RASD2: variants seen among roughly 807,000 people sequenced by gnomAD.
RASD2 encodes the protein RASD family member 2, also known as GTP-binding protein Rhes.
In RASD2, 7 loss-of-function variants were observed where a neutral mutation model predicts 15.8. The observed-to-expected ratio is 0.44, with a 90% confidence interval of 0.25 to 0.83. RASD2 has a LOEUF of 0.83. RASD2 is among the 40% of genes least tolerant of loss of function. The pLI is 0.20. For missense variants in RASD2, 274 were observed against 382.8 expected (o/e 0.72, Z 2.37); for synonymous variants, 155 against 153.6 (o/e 1.01, Z -0.07).
chr22:35,540,251 G>A (rs1934306701), upstream of RASD2, among the ~76,000 whole-genome samples: 1 of 152,120 alleles, frequency 6.6e-6, no homozygotes, highest in Admixed American at 6.5e-5. Context: ...GGCCAGGCCG[G>A]GCGTGCGTGT....
rs550129972 is a variant in RASD2 at position 35,542,951 on chromosome 22, G to T, written c.-10+1451G>T. 3.5e-4 allele frequency among the ~76,000 whole-genome samples: 54 copies of T among 152,298 alleles called. 2 individuals are homozygous for T. The South Asian group carries it at 5.0e-3, about 14-fold the overall frequency. On this transcript the variant is annotated intron_variant, in intron 1 of 2. Coordinates refer to ENST00000216127, the MANE Select transcript of RASD2 (RefSeq NM_014310.4). Reference sequence around the variant, plus strand: ...TAGTATGTCTCGGCGTCATCCCCCCGCCTGATGCCAGCTGAGGCTTCACTG... The same window carrying T: ...TAGTATGTCTCGGCGTCATCCCCCCTCCTGATGCCAGCTGAGGCTTCACTG...
At chr22:35,547,226 G>T (rs933325812) in intron 2 of RASD2, 146 bp downstream of exon 2, 3 of 1,134,508 alleles carry the variant, frequency 2.6e-6, no homozygotes, top group South Asian at 3.2e-5. Flanking sequence ...GAGAGGTTTT[G>T]CCATGTGCTG....
In RASD2 at chr22:35,551,721, G is replaced by A. The variant is rs778960940; in HGVS notation, c.490G>A (p.Glu164Lys). 10 of 1,613,758 alleles carry A rather than the reference G, an allele frequency of 6.2e-6. No homozygotes were observed. The highest frequency in any genetic ancestry group is 1.6e-4 in the Middle Eastern group (1 of 6,084). ...GGCCGAGCTGCTGGTGTCGGGCGAC[G>A]AGAACTGCGCCTACTTCGAGGTGTC... Reference protein sequence around the residue: ...TEAELLVSGDENCAYFEVSAK... With the variant: ...TEAELLVSGDKNCAYFEVSAK... The change falls in exon 3 of 3, where the codon GAG becomes AAG. Residue 164 changes from glutamate (E) to lysine (K), a missense_variant. Transcript: ENST00000216127. The surrounding 1 kb of genome is among the most constrained non-coding windows in gnomAD (Gnocchi z 4.9).
upstream of RASD2, among the ~76,000 whole-genome samples, chr22:35,540,020 G>A (rs925890106): frequency 6.6e-6 from 1 of 152,236 alleles, no homozygotes; most frequent in Non-Finnish European, 1.5e-5. Flanking sequence ...TGGGCGACAC[G>A]TGCATGGCCC....
In RASD2 at chr22:35,552,366, A is replaced by C; in HGVS notation, c.*334A>C. ...CCAGAGGGGTGAGGATTGCTGCGTC[A>C]TATGGAGCCTCCTGGGACAAGCCTC... On this transcript the variant is annotated 3_prime_UTR_variant, in exon 3 of 3. Transcript: ENST00000216127. The C allele has an allele frequency of 3.0e-6, 1 of 334,936 alleles. No homozygotes were observed. The highest frequency in any genetic ancestry group is 5.5e-6 in the Non-Finnish European group (1 of 181,752). 20.7% of individuals were successfully genotyped at this position (334,936 alleles called of 1,614,324 possible).
Position 35,553,730 on chromosome 22 carries a change from AGTACACACAGAT to A in RASD2, c.*1718_*1729del, listed in dbSNP as rs554352942. The A allele has an allele frequency of 1.6e-3, 240 of 152,462 alleles. 2 individuals carry two copies. The highest frequency in any genetic ancestry group is 2.8e-3 in the Non-Finnish European group (194 of 68,074). 9.4% of individuals were successfully genotyped at this position (152,462 alleles called of 1,614,324 possible). Reference sequence around the variant, plus strand: ...TGTACACCATGCCCATGTATATACAAGTACACACAGATGTACACACAGATGTACACATGCTCC... The same window carrying A: ...TGTACACCATGCCCATGTATATACAAGTACACACAGATGTACACATGCTCC... On this transcript the variant is annotated 3_prime_UTR_variant, in exon 3 of 3. Transcript: ENST00000216127.
chr22:35,537,208 G>A (rs1380452980), upstream of RASD2, among the ~76,000 whole-genome samples: 3 of 152,220 alleles, frequency 2.0e-5, no homozygotes, highest in South Asian at 6.2e-4. Flanking sequence ...GGAGGACTAA[G>A]TGAAACTCTG....
chr22:35,544,046 C>A (rs1934428514), intron 1 of RASD2, among the ~76,000 whole-genome samples: 1 of 152,152 alleles, frequency 6.6e-6, no homozygotes, highest in Admixed American at 6.5e-5. Flanking sequence ...GACTCCCTGC[C>A]TCCTCTCTCT....
At chr22:35,547,171 T>C (rs1273754909) in intron 2 of RASD2, 91 bp downstream of exon 2, 3 of 1,404,434 alleles carry the variant, frequency 2.1e-6, no homozygotes, top group Admixed American at 1.9e-5. Context: ...TAGACTTGCA[T>C]AGCCATCGTC....
chr22:35,544,098 G>A (rs960282083), intron 1 of RASD2, among the ~76,000 whole-genome samples: 1 of 152,190 alleles, frequency 6.6e-6, no homozygotes, highest in African/African-American at 2.4e-5. Flanking sequence ...CAACTCGTCT[G>A]TACCAAGCTC....
At chr22:35,533,613 A>G in the RASD2 span, among the ~76,000 whole-genome samples, 4 of 126,144 alleles carry the variant, frequency 3.2e-5, no homozygotes, top group African/African-American at 7.9e-5. Flanking sequence ...AATGATGATG[A>G]TGGTGATGAT....
intron 1 of RASD2, among the ~76,000 whole-genome samples, chr22:35,542,959 C>T (rs1194000096): frequency 6.6e-6 from 1 of 152,184 alleles, no homozygotes; most frequent in Non-Finnish European, 1.5e-5. Context: ...CCGCCTGATG[C>T]CAGCTGAGGC....
chr22:35,533,954 G>A, the RASD2 span, among the ~76,000 whole-genome samples: 4 of 152,146 alleles, frequency 2.6e-5, no homozygotes, highest in African/African-American at 7.2e-5. Flanking sequence ...TGATGATGAC[G>A]GTGATGATTA....
intron 2 of RASD2, among the ~76,000 whole-genome samples, chr22:35,548,663 C>T (rs1445186664): frequency 6.6e-6 from 1 of 152,236 alleles, no homozygotes; most frequent in Non-Finnish European, 1.5e-5. Context: ...TCCAGGCTGG[C>T]TTTTCCGAGC....
chr22:35,543,426 G>A (rs757125730), intron 1 of RASD2, among the ~76,000 whole-genome samples: 2 of 151,174 alleles, frequency 1.3e-5, no homozygotes, highest in Non-Finnish European at 3.0e-5. Context: ...TTCAGTCACT[G>A]ATATTGGACT....
intron 1 of RASD2, among the ~76,000 whole-genome samples, chr22:35,543,837 ACTCCCTGCCTCCTCTCTCTGT>A (rs1395555126): frequency 2.3e-5 from 3 of 127,868 alleles, no homozygotes; most frequent in Non-Finnish European, 5.1e-5. Flanking sequence ...CTCCTCTCTG[ACTCCCTGCCTCCTCTCTCTGT>A]CTCCCTGCCT....
chr22:35,543,666 G>A (rs1196745655), intron 1 of RASD2, among the ~76,000 whole-genome samples: 1 of 152,236 alleles, frequency 6.6e-6, no homozygotes, highest in African/African-American at 2.4e-5. Flanking sequence ...GTCTCACACA[G>A]CCCCACGTGG....
chr22:35,544,077 G>T (rs1342762089), intron 1 of RASD2, among the ~76,000 whole-genome samples: 1 of 152,150 alleles, frequency 6.6e-6, no homozygotes, highest in East Asian at 1.9e-4. Context: ...AGCTCATTCA[G>T]TCATTGCTAT....
intron 1 of RASD2, among the ~76,000 whole-genome samples, chr22:35,542,083 G>C (rs571992266): frequency 6.6e-6 from 1 of 152,252 alleles, no homozygotes; most frequent in Non-Finnish European, 1.5e-5. Context: ...AGGCCTCTCT[G>C]TGCCCTCCCC....
Sources: allele counts gnomAD v4.1 joint callset (sites outside exome capture counted in the v4.1 genomes callset), GRCh38; gene constraint gnomAD v4.1.1; non-coding constraint Gnocchi (gnomAD v3.1); transcripts MANE v1.5; gene names NCBI Gene and HGNC (gene_info 2026-07-23, HGNC 2026-07-21).